PDIA5: variants seen among roughly 807,000 people sequenced by gnomAD.
PDIA5 encodes protein disulfide-isomerase A5.
A neutral mutation model predicts 77.6 loss-of-function variants in PDIA5; 58 were observed. The observed-to-expected ratio is 0.75, with a 90% confidence interval of 0.61 to 0.93. PDIA5 has a LOEUF of 0.93. Among genes scored for constraint, PDIA5 ranks in the 40% least tolerant of loss-of-function variants. The pLI, the probability that PDIA5 is intolerant of heterozygous loss-of-function variation, is 0.00. For missense variants in PDIA5, 630 were observed against 647.7 expected, an observed-to-expected ratio of 0.97 and a Z score of 0.30; for synonymous variants, 250 against 252.1, an observed-to-expected ratio of 0.99 and a Z score of 0.08.
rs1223878285 is a variant in PDIA5, at chr3:123,089,226, C to G, written c.101C>G (p.Ser34Cys). The G allele has an allele frequency of 1.2e-6, 2 of 1,613,958 alleles. No individual in the cohort carries two copies. The highest frequency in any genetic ancestry group is 1.7e-6 in the Non-Finnish European group (2 of 1,179,750). The change falls in exon 2 of 17, where the codon TCT becomes TGT. Residue 34 changes from serine to cysteine, a missense_variant. Transcript: ENST00000316218. ...AKVSSLIERI[S>C]DPKDLKKLLR... The stretch of plus-strand genomic sequence containing the variant: ...GTCTCCTCGCTCATTGAGAGAATCT[C>G]TGACCCCAAGGACTTGAAAAAACTG...
chr3:123,096,559 A>T (rs913697076), intron 3 of PDIA5, among the ~76,000 whole-genome samples: 3 of 151,694 alleles, frequency 2.0e-5, no homozygotes, highest in East Asian at 1.9e-4. Flanking sequence ...TTTTAAAAAA[A>T]TTTTTTGCTT....
chr3:123,124,007 G>A (rs1358623195), intron 8 of PDIA5, 59 bp from the exon 9 acceptor site: 4 of 1,045,722 alleles, frequency 3.8e-6, no homozygotes, highest in African/African-American at 1.6e-5. Flanking sequence ...GATGGCGTGT[G>A]GACTAGAGGG....
chr3:123,067,259 C>G (rs943385054), intron 1 of PDIA5, 53 bp downstream of exon 1: 2 of 1,211,022 alleles, frequency 1.7e-6, no homozygotes, highest in Admixed American at 4.2e-5. Flanking sequence ...GTCCCGCGTG[C>G]CCTTCTGCGC....
At chr3:123,072,730 G>A (rs1345172800) in intron 1 of PDIA5, among the ~76,000 whole-genome samples, 1 of 152,200 alleles carries the variant, frequency 6.6e-6, no homozygotes, top group East Asian at 1.9e-4. Flanking sequence ...TATCCCAGGA[G>A]GGTTTTGCCC....
At chr3:123,135,738 G>T (rs1245943595) in intron 11 of PDIA5, among the ~76,000 whole-genome samples, 4 of 121,830 alleles carry the variant, frequency 3.3e-5, no homozygotes, top group Non-Finnish European at 4.9e-5. Context: ...TTATCCAGAG[G>T]TAACAACTTT....
chr3:123,076,178 G>A (rs1364358562), intron 1 of PDIA5, among the ~76,000 whole-genome samples: 5 of 152,202 alleles, frequency 3.3e-5, no homozygotes, highest in Non-Finnish European at 7.3e-5. Context: ...AGTGGATGAT[G>A]CTCCAGGGAT....
chr3:123,091,376 C>G (rs949606660), intron 2 of PDIA5, among the ~76,000 whole-genome samples: 2 of 152,132 alleles, frequency 1.3e-5, no homozygotes, highest in African/African-American at 2.4e-5. Context: ...GAGAAAGCAG[C>G]AGATCGCTCT....
At chr3:123,127,647 C>T (rs145861815) in intron 10 of PDIA5, among the ~76,000 whole-genome samples, 2 of 152,182 alleles carry the variant, frequency 1.3e-5, no homozygotes, top group Non-Finnish European at 2.9e-5. Context: ...TTATTTACAC[C>T]GAACTGGAGT....
intron 3 of PDIA5, 61 bp downstream of exon 3, chr3:123,092,503 T>G: frequency 8.4e-7 from 1 of 1,194,610 alleles, no homozygotes; most frequent in South Asian, 1.2e-5. Flanking sequence ...GGGGCTTTGA[T>G]TGGTGGGGAC....
At chr3:123,154,599 G>A (rs1935977968) in intron 14 of PDIA5, among the ~76,000 whole-genome samples, 1 of 152,152 alleles carries the variant, frequency 6.6e-6, no homozygotes, top group Non-Finnish European at 1.5e-5. Context: ...TGGAGCAAGA[G>A]AAGATTGTAG....
At chr3:123,140,573 G>A (rs982154229) in intron 11 of PDIA5, among the ~76,000 whole-genome samples, 1 of 145,748 alleles carries the variant, frequency 6.9e-6, no homozygotes, top group Non-Finnish European at 1.5e-5. Flanking sequence ...GGATTGCGAG[G>A]GGTTGTCCAG....
intron 1 of PDIA5, among the ~76,000 whole-genome samples, chr3:123,075,998 T>A (rs192173254): frequency 6.6e-6 from 1 of 152,310 alleles, no homozygotes; most frequent in East Asian, 1.9e-4. Flanking sequence ...GGCCTGAGCA[T>A]GTGCTTTTCT....
At chr3:123,077,549 TACACACACACAC>T (rs368009624) in intron 1 of PDIA5, among the ~76,000 whole-genome samples, 2 of 136,512 alleles carry the variant, frequency 1.5e-5, no homozygotes, top group South Asian at 2.5e-4. Flanking sequence ...CTCACACACA[TACACACACACAC>T]ACACACACAC....
chr3:123,077,067 G>C (rs1453413054), intron 1 of PDIA5, among the ~76,000 whole-genome samples: 2 of 152,160 alleles, frequency 1.3e-5, no homozygotes, highest in Non-Finnish European at 2.9e-5. Context: ...AAGAAATGCA[G>C]CTGGACTTGT....
At chr3:123,089,408 A>T in intron 2 of PDIA5, 114 bp downstream of exon 2, 1 of 997,884 alleles carries the variant, frequency 1.0e-6, no homozygotes, top group Non-Finnish European at 1.5e-6. Context: ...GGTCCAAGGG[A>T]CATGGGGTTT....
intron 15 of PDIA5, among the ~76,000 whole-genome samples, chr3:123,160,381 C>A (rs201930749): frequency 6.6e-6 from 1 of 152,228 alleles, no homozygotes; most frequent in East Asian, 1.9e-4. Flanking sequence ...GCTAGATGGT[C>A]AAGAAGAGGC....
chr3:123,128,913 A>G (rs970322447), intron 10 of PDIA5, among the ~76,000 whole-genome samples: 1 of 152,144 alleles, frequency 6.6e-6, no homozygotes, highest in Admixed American at 6.5e-5. Flanking sequence ...CCCCCTTTTA[A>G]TGCAAAAGTT....
chr3:123,078,183 A>G (rs972949333), intron 1 of PDIA5, among the ~76,000 whole-genome samples: 1 of 152,230 alleles, frequency 6.6e-6, no homozygotes, highest in Non-Finnish European at 1.5e-5. Context: ...TTGCGTGCCA[A>G]GTACTTTGCA....
At chr3:123,130,056 C>T (rs77994194) in intron 10 of PDIA5, among the ~76,000 whole-genome samples, 1 of 152,296 alleles carries the variant, frequency 6.6e-6, no homozygotes, top group African/African-American at 2.4e-5. Context: ...CCCTCCACTG[C>T]CCAGTGGGCA....
Sources: gnomAD v4.1 joint callset for allele counts (sites outside exome capture counted in the v4.1 genomes callset) on GRCh38, gnomAD v4.1.1 for gene constraint, MANE v1.5 for transcripts, NCBI Gene and HGNC (gene_info 2026-07-23, HGNC 2026-07-21) for gene names.